MYT1L: variants seen among roughly 807,000 people sequenced by gnomAD.
The protein encoded by MYT1L is myelin transcription factor 1 like.
MYT1L carries 12 observed loss-of-function variants against 126.7 expected under a neutral mutation model. The observed-to-expected ratio is 0.09, with a 90% CI of 0.06 to 0.15. The LOEUF (loss-of-function observed/expected upper bound fraction) is 0.15. Ranked by LOEUF, MYT1L falls within the 10% of genes least tolerant of loss-of-function variation. MYT1L has a pLI of 1.00. For missense variants in MYT1L, 979 were observed against 1,585.2 expected (o/e 0.62, Z 6.49); for synonymous variants, 541 against 604.2 (o/e 0.90, Z 1.53).
chr2:2,131,629 G>A (rs1014606009), intron 3 of MYT1L, among the ~76,000 whole-genome samples: 4 of 152,122 alleles, frequency 2.6e-5, no homozygotes, highest in African/African-American at 9.7e-5. Context: ...ATGTGGGGGT[G>A]AGGTGGGGCC....
intron 4 of MYT1L, among the ~76,000 whole-genome samples, chr2:2,016,599 T>C (rs2064423919): frequency 6.6e-6 from 1 of 152,208 alleles, no homozygotes; most frequent in South Asian, 2.1e-4. Context: ...TGCTGATGCA[T>C]GAGGTAGCTT....
At chr2:2,301,375 CACA>C (rs2095782215) in intron 1 of MYT1L, among the ~76,000 whole-genome samples, 1 of 152,138 alleles carries the variant, frequency 6.6e-6, no homozygotes, top group Non-Finnish European at 1.5e-5. Context: ...CGTAGGTAGA[CACA>C]TTCATTTTTT....
Position 1,809,180 on chromosome 2 carries a change from C to T in MYT1L, c.3081-13G>A. ...GCATCCTGACAAGCTGTGGACAAGACACAGGACGGCCATTAGTCAACTGTC... is the reference window on the plus strand; with the variant it reads ...GCATCCTGACAAGCTGTGGACAAGATACAGGACGGCCATTAGTCAACTGTC... On this transcript the variant is annotated splice_polypyrimidine_tract_variant and intron_variant, in intron 21 of 24. Transcript: ENST00000647738. 1 of 1,613,210 alleles carries T rather than the reference C, an allele frequency of 6.2e-7. No individual in the cohort carries two copies. The highest frequency in any genetic ancestry group is 8.5e-7 in the Non-Finnish European group (1 of 1,179,140).
rs3838568 is a variant in MYT1L, at chr2:1,790,216, ATTTTTT to A, written c.*1645_*1650del. On this transcript the variant is annotated 3_prime_UTR_variant, in exon 25 of 25. Coordinates refer to ENST00000647738, the MANE Select transcript of MYT1L (RefSeq NM_001303052.2). ...CTGTAAGTCCTGTTCTGCTAAAAATATTTTTTTTTTATTTTTACAAAACCCATCTTT... is the reference window on the plus strand; with the variant it reads ...CTGTAAGTCCTGTTCTGCTAAAAATATTTTATTTTTACAAAACCCATCTTT... The A allele has an allele frequency of 6.6e-6, 1 of 151,600 alleles. No individual in the cohort carries two copies. Among genetic ancestry groups the A allele is most frequent in the Non-Finnish European group, 1.5e-5 (1 of 67,914 alleles). The allele number at this position is 151,600 out of a possible 1,614,324, so 9.4% of individuals were successfully genotyped here.
intron 3 of MYT1L, among the ~76,000 whole-genome samples, chr2:2,160,284 A>T (rs898993540): frequency 1.2e-4 from 18 of 152,196 alleles, no homozygotes; most frequent in African/African-American, 4.3e-4. Flanking sequence ...TCACATTTTT[A>T]GTGTTGGTAT....
At chr2:2,124,168 G>A (rs373478171) in intron 3 of MYT1L, among the ~76,000 whole-genome samples, 2 of 152,200 alleles carry the variant, frequency 1.3e-5, no homozygotes, top group African/African-American at 4.8e-5. Flanking sequence ...TTCTTCCTCA[G>A]TTTCTTTGGC....
At chr2:2,283,124 A>T (rs2095473279) in intron 2 of MYT1L, among the ~76,000 whole-genome samples, 3 of 152,180 alleles carry the variant, frequency 2.0e-5, no homozygotes, top group Admixed American at 2.0e-4. Context: ...TACGATGCAT[A>T]AGGGAAAAAG....
At chr2:1,971,485 C>T (rs145785707) in intron 8 of MYT1L, among the ~76,000 whole-genome samples, 1,613 of 152,300 alleles carry the variant, frequency 0.011, 37 homozygotes, top group African/African-American at 0.036. Context: ...AATCCCAGCA[C>T]TTTGGGAGGC....
intron 8 of MYT1L, among the ~76,000 whole-genome samples, chr2:1,975,690 C>G (rs891212819): frequency 3.9e-5 from 6 of 152,170 alleles, no homozygotes; most frequent in Admixed American, 3.9e-4. Flanking sequence ...ATGGTGAAAC[C>G]CCACCTCTAC....
At chr2:2,124,335 G>T (rs1012783970) in intron 3 of MYT1L, among the ~76,000 whole-genome samples, 10 of 151,858 alleles carry the variant, frequency 6.6e-5, no homozygotes, top group Admixed American at 5.9e-4. Context: ...TCGCTCTGTT[G>T]CCCAGGCTGG....
chr2:1,951,862 C>G (rs1054085134), intron 8 of MYT1L, among the ~76,000 whole-genome samples: 1 of 152,216 alleles, frequency 6.6e-6, no homozygotes, highest in Non-Finnish European at 1.5e-5. Flanking sequence ...TAAAGCGTTA[C>G]TCTTATACGT....
Position 2,255,262 on chromosome 2 carries a change from T to G in MYT1L, c.-421+29142A>C, listed in dbSNP as rs144125488. 7.7e-3 allele frequency among the ~76,000 whole-genome samples: 1,167 copies of G among 152,268 alleles called. 23 individuals carry two copies. Among genetic ancestry groups the G allele is most frequent in the South Asian group, 0.073 (351 of 4,820 alleles). On this transcript the variant is annotated intron_variant, in intron 2 of 24. Transcript: ENST00000647738. ...CTGGGCTGCCCGATTACAGGGTGAT[T>G]TCTTACCCCCCTAAATTTCCAACAC...
At chr2:2,102,230 T>C (rs2078185598) in intron 3 of MYT1L, among the ~76,000 whole-genome samples, 1 of 152,242 alleles carries the variant, frequency 6.6e-6, no homozygotes, top group African/African-American at 2.4e-5. Flanking sequence ...AACTGCCATG[T>C]GCATAATTGG....
At chr2:2,330,906 CGGTAA>C (rs941234378) in intron 1 of MYT1L, 56 bp downstream of exon 1, 1 of 152,124 alleles carries the variant, frequency 6.6e-6, no homozygotes, top group African/African-American at 2.4e-5. Flanking sequence ...CCTTGAGCTA[CGGTAA>C]AACACATCCT....
At chr2:1,881,810 G>A (rs997166201) in intron 18 of MYT1L, among the ~76,000 whole-genome samples, 1 of 152,208 alleles carries the variant, frequency 6.6e-6, no homozygotes, top group Non-Finnish European at 1.5e-5. Context: ...CATGTGTATG[G>A]CTGTAGTCAT....
chr2:2,115,182 C>T (rs2080037542), intron 3 of MYT1L, among the ~76,000 whole-genome samples: 1 of 152,244 alleles, frequency 6.6e-6, no homozygotes, highest in African/African-American at 2.4e-5. Context: ...GCTTTAGTTT[C>T]CTCCCTTGCA....
chr2:1,921,912 G>A (rs1227802236), intron 10 of MYT1L, among the ~76,000 whole-genome samples: 1 of 152,042 alleles, frequency 6.6e-6, no homozygotes. Flanking sequence ...TTGACTAATT[G>A]TTACATAAAC....
chr2:1,971,463 G>A (rs577910475), intron 8 of MYT1L, among the ~76,000 whole-genome samples: 1 of 152,314 alleles, frequency 6.6e-6, no homozygotes, highest in South Asian at 2.1e-4. Flanking sequence ...GGGCACAGTG[G>A]CTCATGCTTG....
At chr2:2,231,541 A>G (rs994209711) in intron 2 of MYT1L, among the ~76,000 whole-genome samples, 8 of 152,090 alleles carry the variant, frequency 5.3e-5, no homozygotes, top group African/African-American at 1.7e-4. Context: ...TCCACCTCCC[A>G]GGCTCAAGCA....
Sources: allele counts gnomAD v4.1 joint callset (sites outside exome capture counted in the v4.1 genomes callset), GRCh38; gene constraint gnomAD v4.1.1; transcripts MANE v1.5; gene names NCBI Gene and HGNC (gene_info 2026-07-23, HGNC 2026-07-21).